Variants in SAMSN1 observed in about 807,000 individuals in gnomAD.
The protein encoded by SAMSN1 is SAM domain-containing protein SAMSN-1.
SAMSN1 carries 31 observed loss-of-function variants against 42.0 expected under a neutral mutation model. That is an observed-to-expected ratio of 0.74 (90% CI 0.55 to 1.00). The LOEUF is 1.00. SAMSN1 is among the 50% of genes least tolerant of loss of function. The pLI is 0.00. For synonymous variants in SAMSN1, 178 were observed against 151.9 expected (o/e 1.17, Z -1.26); for missense variants, 464 against 439.4 (o/e 1.06, Z -0.50).
intron 2 of SAMSN1, among the ~76,000 whole-genome samples, chr21:14,572,491 G>A (rs1166868661): frequency 6.6e-6 from 1 of 152,102 alleles, no homozygotes; most frequent in African/African-American, 2.4e-5. Context: ...ACTTAGTGAT[G>A]GGAAAAGTCA....
chr21:14,533,927 G>A (rs544182383), intron 1 of SAMSN1, among the ~76,000 whole-genome samples: 57 of 152,312 alleles, frequency 3.7e-4, no homozygotes, highest in African/African-American at 1.3e-3. Flanking sequence ...CCAGCCAAAA[G>A]GGATTTTTGC....
rs570254848 is a variant in SAMSN1 at position 14,610,602 on chromosome 21, C to G, written c.236-1034G>C. ...ACCTGCTGGGTTTGTGGCTCGGGGG[C>G]ATCACAAAACCTGCTGACGTGTGAT... On this transcript the variant is annotated intron_variant, in intron 4 of 15. Coordinates refer to the SAMSN1 transcript ENST00000647101. 7.6e-4 allele frequency among the ~76,000 whole-genome samples: 116 copies of G among 152,284 alleles called. 1 individual carries two copies. In the South Asian group the frequency reaches 8.3e-3, roughly 11 times the overall value.
intron 6 of SAMSN1, among the ~76,000 whole-genome samples, chr21:14,596,957 G>A (rs146031090): frequency 0.01 from 1,541 of 152,130 alleles, 23 homozygotes; most frequent in African/African-American, 0.034. Context: ...TTTGTTATGC[G>A]TCAATAGATT....
At chr21:14,591,253 GAATT>G (rs1333902450) in intron 7 of SAMSN1, 7 of 152,038 alleles carry the variant, frequency 4.6e-5, no homozygotes, top group Non-Finnish European at 8.8e-5. Flanking sequence ...GTAATTGAAT[GAATT>G]AGTTAATAAA....
At chr21:14,658,516 T>G (rs1286939532) in intron 1 of SAMSN1, among the ~76,000 whole-genome samples, 1 of 151,970 alleles carries the variant, frequency 6.6e-6, no homozygotes, top group Admixed American at 6.6e-5. Flanking sequence ...ATCAAAATGA[T>G]AAATAATAGT....
intron 1 of SAMSN1, among the ~76,000 whole-genome samples, chr21:14,532,677 T>C (rs1262022125): frequency 6.6e-6 from 1 of 152,158 alleles, no homozygotes; most frequent in Non-Finnish European, 1.5e-5. Context: ...GGAACTGTAT[T>C]TTTAAAGTTA....
At chr21:14,610,434 C>T (rs1982673712) in intron 4 of SAMSN1, among the ~76,000 whole-genome samples, 1 of 152,180 alleles carries the variant, frequency 6.6e-6, no homozygotes, top group African/African-American at 2.4e-5. Flanking sequence ...AATGCATGCA[C>T]ATCAGGACAT....
At chr21:14,542,466 C>A (rs1001797414) in intron 1 of SAMSN1, among the ~76,000 whole-genome samples, 3 of 151,828 alleles carry the variant, frequency 2.0e-5, no homozygotes, top group Admixed American at 2.0e-4. Flanking sequence ...TGAAAATAAA[C>A]CAATGATAAA....
intron 2 of SAMSN1, among the ~76,000 whole-genome samples, chr21:14,559,734 G>A (rs576649691): frequency 2.2e-4 from 33 of 151,928 alleles, no homozygotes; most frequent in Admixed American, 1.2e-3. Context: ...TTGAACTCCG[G>A]GCCTCAATTT....
chr21:14,537,855 A>C (rs1979732106), intron 1 of SAMSN1, among the ~76,000 whole-genome samples: 1 of 152,060 alleles, frequency 6.6e-6, no homozygotes. Context: ...GGCCTGGGGG[A>C]GACTGGAAAA....
At chr21:14,625,237 TC>T (rs1983134225) in intron 2 of SAMSN1, among the ~76,000 whole-genome samples, 1 of 152,088 alleles carries the variant, frequency 6.6e-6, no homozygotes, top group South Asian at 2.1e-4. Context: ...ATGCCCTCTT[TC>T]ACCACTCCTA....
chr21:14,629,338 C>T lies in SAMSN1; in HGVS notation c.157-13322G>A, dbSNP rs116272926. On this transcript the variant is annotated intron_variant, in intron 2 of 15. Transcript: ENST00000647101. ...AAGAATGCCCAGCAATTTATGACAG[C>T]ACAGTTAATTAAAAGCGGACACTTC... 4.1e-3 allele frequency among the ~76,000 whole-genome samples: 628 copies of T among 152,268 alleles called. 3 individuals carry two copies. The highest frequency in any genetic ancestry group is 0.013 in the African/African-American group (551 of 41,544).
intron 2 of SAMSN1, among the ~76,000 whole-genome samples, chr21:14,560,933 CA>C (rs1356838918): frequency 1.3e-5 from 2 of 152,138 alleles, no homozygotes; most frequent in Non-Finnish European, 2.9e-5. Flanking sequence ...GCTAAAAGTC[CA>C]AAACTAAACC....
At chr21:14,492,662 T>C (rs184314921) in intron 7 of SAMSN1, among the ~76,000 whole-genome samples, 2 of 152,344 alleles carry the variant, frequency 1.3e-5, no homozygotes, top group East Asian at 3.9e-4. Flanking sequence ...TGAACACTTT[T>C]CACTGGAAAT....
At chr21:14,610,145 G>C (rs558181102) in intron 4 of SAMSN1, among the ~76,000 whole-genome samples, 3 of 152,200 alleles carry the variant, frequency 2.0e-5, no homozygotes, top group African/African-American at 7.2e-5. Flanking sequence ...GGCCGGGCAT[G>C]ATGGAGCCAT....
intron 4 of SAMSN1, among the ~76,000 whole-genome samples, chr21:14,611,069 T>C (rs955679844): frequency 6.6e-6 from 1 of 151,980 alleles, no homozygotes; most frequent in Non-Finnish European, 1.5e-5. Context: ...GAAACTACAG[T>C]CATGTGCCAC....
intron 2 of SAMSN1, among the ~76,000 whole-genome samples, chr21:14,563,818 G>A (rs1410933906): frequency 6.6e-6 from 1 of 152,138 alleles, no homozygotes; most frequent in Admixed American, 6.6e-5. Flanking sequence ...TACTTGGAAG[G>A]AGCTGTGAAT....
intron 2 of SAMSN1, among the ~76,000 whole-genome samples, chr21:14,563,337 G>T (rs1264882674): frequency 6.6e-6 from 1 of 151,982 alleles, no homozygotes; most frequent in East Asian, 1.9e-4. Context: ...GTTTCTAATT[G>T]AATTATATTG....
At chr21:14,549,037 T>C (rs1202699340), upstream of SAMSN1, among the ~76,000 whole-genome samples, 1 of 152,222 alleles carries the variant, frequency 6.6e-6, no homozygotes, top group Non-Finnish European at 1.5e-5. Flanking sequence ...ACTATCTCTG[T>C]GTCATGAATC....
Sources: gnomAD v4.1 joint callset for allele counts (sites outside exome capture counted in the v4.1 genomes callset) on GRCh38, gnomAD v4.1.1 for gene constraint, MANE v1.5 for transcripts, NCBI Gene and HGNC (gene_info 2026-07-23, HGNC 2026-07-21) for gene names.